JAM3: variants seen among roughly 807,000 people sequenced by gnomAD.
The protein encoded by JAM3 is junctional adhesion molecule 3.
JAM3 carries 31 observed loss-of-function variants against 39.4 expected under a neutral mutation model. That is an observed-to-expected ratio of 0.79 (90% CI 0.59 to 1.06). The LOEUF is 1.06. Among genes scored for constraint, JAM3 ranks in the 50% least tolerant of loss-of-function variants. JAM3 has a pLI of 0.00. For missense variants in JAM3, 455 were observed against 391.4 expected, an observed-to-expected ratio of 1.16 and a Z score of -1.37; for synonymous variants, 182 against 148.7, an observed-to-expected ratio of 1.22 and a Z score of -1.63.
intron 1 of JAM3, among the ~76,000 whole-genome samples, chr11:134,112,812 TGTC>T (rs1942342905): frequency 6.6e-6 from 1 of 152,204 alleles, no homozygotes; most frequent in Non-Finnish European, 1.5e-5. Flanking sequence ...GCTGCCTTCA[TGTC>T]GTGTAAGAGG....
At chr11:134,112,037 A>G (rs957400994) in intron 1 of JAM3, among the ~76,000 whole-genome samples, 3 of 152,186 alleles carry the variant, frequency 2.0e-5, no homozygotes, top group Non-Finnish European at 4.4e-5. Context: ...AATACCTTCT[A>G]CTATGTGAAA....
rs1565506158 is a variant in JAM3 at position 134,145,870 on chromosome 11, T to C, written c.613-76T>C. On this transcript the variant is annotated intron_variant, in intron 5 of 8. Coordinates refer to ENST00000299106, the MANE Select transcript of JAM3 (RefSeq NM_032801.5). The stretch of plus-strand genomic sequence containing the variant: ...AAGCGAGCAGGTGTCGACCTAGTTC[T>C]GGACCCAGCTGGCTGTGCTCTCAGA... 4 of 956,686 alleles carry C rather than the reference T, an allele frequency of 4.2e-6. No individual in the cohort carries two copies. The Middle Eastern group carries it at 6.8e-4, about 163-fold the overall frequency. 59.3% of individuals were successfully genotyped at this position (956,686 alleles called of 1,614,324 possible).
intron 1 of JAM3, among the ~76,000 whole-genome samples, chr11:134,093,848 A>C (rs1466546578): frequency 1.0e-5 from 1 of 97,972 alleles, no homozygotes. Context: ...TCCATCTTAC[A>C]TGTCACTTCC....
At chr11:134,103,027 C>G (rs1169823414) in intron 1 of JAM3, among the ~76,000 whole-genome samples, 1 of 152,158 alleles carries the variant, frequency 6.6e-6, no homozygotes, top group Admixed American at 6.5e-5. Context: ...CAAAGATACT[C>G]CTCGAGAAGA....
At chr11:134,070,289 C>G (rs927791883) in intron 1 of JAM3, 1 of 441,102 alleles carries the variant, frequency 2.3e-6, no homozygotes, top group African/African-American at 2.0e-5. Flanking sequence ...GTAACCAGAC[C>G]AGGACCTTTT....
intron 1 of JAM3, among the ~76,000 whole-genome samples, chr11:134,097,565 T>C (rs940934251): frequency 6.6e-6 from 1 of 152,166 alleles, no homozygotes; most frequent in Non-Finnish European, 1.5e-5. Context: ...CAGGCTGACT[T>C]CTGGTTGTGT....
chr11:134,091,194 C>T (rs57409473), intron 1 of JAM3, among the ~76,000 whole-genome samples: 1 of 152,066 alleles, frequency 6.6e-6, no homozygotes, highest in African/African-American at 2.4e-5. Context: ...ACCCCCATCT[C>T]TATAAAAAAT....
intron 1 of JAM3, among the ~76,000 whole-genome samples, chr11:134,139,239 G>C (rs1295149332): frequency 6.6e-6 from 1 of 152,198 alleles, no homozygotes; most frequent in Non-Finnish European, 1.5e-5. Flanking sequence ...TTTCATCAAT[G>C]ATATAAACTC....
At chr11:134,070,146 G>A (rs1188466086) in intron 1 of JAM3, 1 of 456,288 alleles carries the variant, frequency 2.2e-6, no homozygotes, top group South Asian at 1.5e-5. Flanking sequence ...AGCTCTGTGA[G>A]ATAGGTTTCA....
At chr11:134,099,500 C>T (rs1332136967) in intron 1 of JAM3, among the ~76,000 whole-genome samples, 1 of 152,210 alleles carries the variant, frequency 6.6e-6, no homozygotes, top group African/African-American at 2.4e-5. Context: ...CAGTATTTGT[C>T]ATCTGTAATT....
intron 1 of JAM3, among the ~76,000 whole-genome samples, chr11:134,077,985 C>T (rs1941601986): frequency 1.3e-5 from 2 of 152,082 alleles, no homozygotes; most frequent in Admixed American, 6.5e-5. Context: ...CAGCCTTCCA[C>T]TGAGTGACAG....
intron 4 of JAM3, 51 bp from the exon 5 acceptor site, chr11:134,144,738 TAAG>T (rs1279157588): frequency 2.6e-5 from 39 of 1,490,302 alleles, no homozygotes; most frequent in Non-Finnish European, 3.5e-5. Context: ...TGGGCTTTAA[TAAG>T]AATAGAGCCC....
At chr11:134,141,633 C>CA (rs1942973914) in intron 3 of JAM3, among the ~76,000 whole-genome samples, 1 of 151,998 alleles carries the variant, frequency 6.6e-6, no homozygotes, top group Non-Finnish European at 1.5e-5. Context: ...CGGCACAACT[C>CA]AGAGCAGAGG....
chr11:134,144,361 TTGA>T lies in JAM3; in HGVS notation c.381_383del (p.Asp127del). ...GTTGCTCGAAATGACCGCAAGGAAA[TTGA>T]TGAGATTGTGATCGAGTTAACTGTG... On this transcript the variant is annotated inframe_deletion, in exon 4 of 9. Transcript: ENST00000299106. The T allele has an allele frequency of 6.2e-7, 1 of 1,614,104 alleles. No homozygotes were observed. Among genetic ancestry groups the T allele is most frequent in the South Asian group, 1.1e-5 (1 of 91,076 alleles).
rs1042597490 is a variant in JAM3, at chr11:134,124,197, C to T, written c.77-15654C>T. The T allele has an allele frequency of 2.8e-6, 4 of 1,439,970 alleles. No individual in the cohort carries two copies. The African/African-American group carries it at 4.2e-5, about 15-fold the overall frequency. 89.2% of individuals were successfully genotyped at this position (1,439,970 alleles called of 1,614,324 possible). A position where few individuals can be genotyped will look rare whatever the true frequency, so the allele number is the denominator to read the frequency against. On this transcript the variant is annotated intron_variant, in intron 1 of 8. Coordinates refer to ENST00000299106, the MANE Select transcript of JAM3 (RefSeq NM_032801.5). ...TTTATCATACGTAGCATCACAAACT[C>T]GAACCAAAGTCATCACTCCATACTT... is the stretch of plus-strand genomic sequence containing the variant.
chr11:134,131,523 A>G (rs767774572), intron 1 of JAM3, among the ~76,000 whole-genome samples: 6 of 152,190 alleles, frequency 3.9e-5, no homozygotes, highest in South Asian at 2.1e-4. Context: ...AACAACAACA[A>G]CAAAAAATAA....
chr11:134,090,062 A>G (rs1366992783), intron 1 of JAM3, among the ~76,000 whole-genome samples: 2 of 152,222 alleles, frequency 1.3e-5, no homozygotes, highest in African/African-American at 4.8e-5. Context: ...ATGGCCAGTG[A>G]TGATGAGCAT....
intron 3 of JAM3, among the ~76,000 whole-genome samples, chr11:134,143,686 G>A (rs925085270): frequency 7.2e-5 from 11 of 152,202 alleles, no homozygotes; most frequent in African/African-American, 9.7e-5. Context: ...GATGAAGTCC[G>A]GTGTAACTGT....
intron 1 of JAM3, among the ~76,000 whole-genome samples, chr11:134,124,760 C>T (rs1942611302): frequency 6.6e-6 from 1 of 152,118 alleles, no homozygotes; most frequent in African/African-American, 2.4e-5. Flanking sequence ...TCGGTGTGTC[C>T]AGGAGTGTTC....
Sources: allele counts gnomAD v4.1 joint callset (sites outside exome capture counted in the v4.1 genomes callset), GRCh38; gene constraint gnomAD v4.1.1; transcripts MANE v1.5; gene names NCBI Gene and HGNC (gene_info 2026-07-23, HGNC 2026-07-21).